The following LAMC1 variants were observed in gnomAD, a reference collection of about 807,000 sequenced individuals.
LAMC1 encodes the protein laminin subunit gamma 1.
A neutral mutation model predicts 173.6 loss-of-function variants in LAMC1; 38 were observed. The observed-to-expected ratio is 0.22, with a 90% CI of 0.17 to 0.29. LAMC1 has a LOEUF of 0.29. LAMC1 is among the 10% of genes least tolerant of loss of function. The pLI is 1.00. For missense variants in LAMC1, 1,824 were observed against 2,051.8 expected (o/e 0.89, Z 2.14); for synonymous variants, 746 against 749.1 (o/e 1.00, Z 0.07).
intron 25 of LAMC1, 71 bp downstream of exon 25, chr1:183,136,656 A>G: frequency 7.6e-7 from 1 of 1,313,492 alleles, no homozygotes; most frequent in Non-Finnish European, 1.1e-6. Flanking sequence ...TTCTTTCCAG[A>G]CCCTCAGAGC....
At chr1:183,098,923 C>A (rs1251322221) in intron 1 of LAMC1, among the ~76,000 whole-genome samples, 3 of 152,124 alleles carry the variant, frequency 2.0e-5, no homozygotes, top group Non-Finnish European at 4.4e-5. Context: ...GCATTTAATA[C>A]ACGTTCATCT....
Position 183,128,606 on chromosome 1 carries a change from A to G in LAMC1, c.3136A>G (p.Arg1046Gly). ...TCTTTATGTTTAGGTTGCTGATCAT[A>G]GAGTGAAGCTCCAGGAATTAGAGAG... ...RLVKDKVADHRVKLQELESLI... is the reference protein window; with the variant it reads ...RLVKDKVADHGVKLQELESLI... Residue 1046 changes from arginine (R) to glycine (G), a missense_variant, in exon 18 of 28, where the codon AGA (arginine) becomes GGA (glycine). By Grantham distance (125) the Arg-to-Gly change is moderately radical. Coordinates refer to ENST00000258341, the MANE Select transcript of LAMC1 (RefSeq NM_002293.4). The G allele has an allele frequency of 6.2e-7, 1 of 1,608,078 alleles. No individual in the cohort carries two copies. The highest frequency in any genetic ancestry group is 2.2e-5 in the East Asian group (1 of 44,838).
intron 27 of LAMC1, among the ~76,000 whole-genome samples, chr1:183,142,173 A>G (rs886403262): frequency 1.3e-5 from 2 of 152,226 alleles, no homozygotes; most frequent in Non-Finnish European, 2.9e-5. Flanking sequence ...CTAAAATGAC[A>G]TAGAGTTTAC....
At chr1:183,128,844 T>A in intron 18 of LAMC1, 94 bp downstream of exon 18, 1 of 1,001,640 alleles carries the variant, frequency 1.0e-6, no homozygotes, top group Non-Finnish European at 1.4e-6. Context: ...TATAAAATTC[T>A]TTCTCAGTTT....
chr1:183,105,224 C>CAAAAA (rs35512159), intron 2 of LAMC1, among the ~76,000 whole-genome samples: 28 of 42,688 alleles, frequency 6.6e-4, no homozygotes, highest in African/African-American at 1.1e-3. Context: ...GACTCCATCT[C>CAAAAA]AAAAAAAAAA....
At chr1:183,099,648 G>C (rs1005267823) in intron 1 of LAMC1, among the ~76,000 whole-genome samples, 4 of 152,080 alleles carry the variant, frequency 2.6e-5, no homozygotes, top group Non-Finnish European at 5.9e-5. Flanking sequence ...TGTGTGCTGT[G>C]AATGTTTGTG....
chr1:183,113,299 T>C (rs376076743), intron 4 of LAMC1, among the ~76,000 whole-genome samples: 1 of 152,168 alleles, frequency 6.6e-6, no homozygotes, highest in African/African-American at 2.4e-5. Context: ...AGTGAGACCC[T>C]GTCTCCAAAA....
intron 1 of LAMC1, among the ~76,000 whole-genome samples, chr1:183,059,093 G>A (rs1019939390): frequency 2.0e-5 from 3 of 152,226 alleles, no homozygotes. Flanking sequence ...CCTAGTGCGT[G>A]TGTATTTTCT....
At chr1:183,103,781 C>A in intron 2 of LAMC1, 149 bp downstream of exon 2, 1 of 571,554 alleles carries the variant, frequency 1.7e-6, no homozygotes, top group Non-Finnish European at 2.9e-6. Flanking sequence ...CTTGATTCTG[C>A]TCTCTGTGTA....
Position 183,023,513 on chromosome 1 carries a change from C to T in LAMC1, c.-204C>T. ...GAAGCGCGGAGGCGGCGCGCGGGGG[C>T]AGTGGTCGGCGAGCAGCGCGGTCCT... On this transcript the variant is annotated 5_prime_UTR_variant, in exon 1 of 28. Transcript: ENST00000258341. 4.0e-6 allele frequency: 1 copy of T among 249,194 alleles called. No individual in the cohort carries two copies. Among genetic ancestry groups the T allele is most frequent in the Non-Finnish European group, 7.4e-6 (1 of 135,772 alleles). 15.4% of individuals were successfully genotyped at this position (249,194 alleles called of 1,614,324 possible). A position where few individuals can be genotyped will look rare whatever the true frequency, so the allele number is the denominator to read the frequency against.
chr1:183,070,085 G>A (rs1016048088), intron 1 of LAMC1, among the ~76,000 whole-genome samples: 2 of 152,240 alleles, frequency 1.3e-5, no homozygotes, highest in African/African-American at 4.8e-5. Flanking sequence ...ATTGTGGCAT[G>A]TGCGTGGAAT....
intron 1 of LAMC1, among the ~76,000 whole-genome samples, chr1:183,024,753 G>C (rs1460645920): frequency 6.6e-6 from 1 of 152,240 alleles, no homozygotes; most frequent in Non-Finnish European, 1.5e-5. Context: ...TCCTGGTGCA[G>C]AATGAACAAA....
chr1:183,041,048 A>G (rs1249518285), intron 1 of LAMC1, among the ~76,000 whole-genome samples: 1 of 152,232 alleles, frequency 6.6e-6, no homozygotes, highest in Non-Finnish European at 1.5e-5. Flanking sequence ...TAAATGACTT[A>G]CCAGAAATAG....
chr1:183,120,581 C>A (rs1656443578), intron 11 of LAMC1, among the ~76,000 whole-genome samples: 1 of 152,138 alleles, frequency 6.6e-6, no homozygotes, highest in African/African-American at 2.4e-5. Context: ...GACTGCAAAA[C>A]ACTAGAGTGG....
intron 1 of LAMC1, among the ~76,000 whole-genome samples, chr1:183,073,832 G>C (rs1290248972): frequency 6.6e-6 from 1 of 152,066 alleles, no homozygotes. Context: ...CCAAATTTCA[G>C]GTATAGAAAT....
At chr1:183,100,309 A>G (rs988390873) in intron 1 of LAMC1, among the ~76,000 whole-genome samples, 1 of 152,186 alleles carries the variant, frequency 6.6e-6, no homozygotes, top group Non-Finnish European at 1.5e-5. Flanking sequence ...TGATCTTTCT[A>G]AAAAATCAAA....
At chr1:183,039,977 T>A (rs180812137) in intron 1 of LAMC1, among the ~76,000 whole-genome samples, 8 of 152,320 alleles carry the variant, frequency 5.3e-5, no homozygotes, top group Admixed American at 5.2e-4. Context: ...TTGACATTTC[T>A]GTGAGAGGAG....
At chr1:183,027,210 G>C (rs972124788) in intron 1 of LAMC1, among the ~76,000 whole-genome samples, 1 of 152,048 alleles carries the variant, frequency 6.6e-6, no homozygotes, top group Non-Finnish European at 1.5e-5. Flanking sequence ...GTGCATCCTC[G>C]GATAAAAAGA....
chr1:183,141,971 G>A (rs1244402683), intron 27 of LAMC1, among the ~76,000 whole-genome samples: 1 of 152,012 alleles, frequency 6.6e-6, no homozygotes, highest in South Asian at 2.1e-4. Flanking sequence ...TCTTTTTCTT[G>A]CTAAGCTTAA....
Sources: allele counts gnomAD v4.1 joint callset (sites outside exome capture counted in the v4.1 genomes callset), GRCh38; gene constraint gnomAD v4.1.1; transcripts MANE v1.5; gene names NCBI Gene and HGNC (gene_info 2026-07-23, HGNC 2026-07-21).